Variants in ZPBP observed in about 807,000 individuals in gnomAD.
ZPBP encodes zona pellucida binding protein.
A neutral mutation model predicts 44.8 loss-of-function variants in ZPBP; 26 were observed. The ratio of observed to expected loss-of-function variants is 0.58; its 90% confidence interval spans 0.43 to 0.81. The LOEUF is 0.81. Among genes scored for constraint, ZPBP ranks in the 30% least tolerant of loss-of-function variants. The pLI is 0.00. For synonymous variants in ZPBP, 174 were observed against 153.2 expected (o/e 1.14, Z -1.00); for missense variants, 409 against 434.0 (o/e 0.94, Z 0.51).
chr7:50,041,423 T>C (rs1800090629), intron 4 of ZPBP, among the ~76,000 whole-genome samples: 1 of 152,182 alleles, frequency 6.6e-6, no homozygotes, highest in Non-Finnish European at 1.5e-5. Context: ...GGCTGGCATC[T>C]GGCAGGTGCC....
intron 1 of ZPBP, among the ~76,000 whole-genome samples, chr7:49,924,404 C>A (rs999632496): frequency 6.6e-6 from 1 of 152,094 alleles, no homozygotes; most frequent in South Asian, 2.1e-4. Flanking sequence ...ATTGACTTTA[C>A]TCTGAGCTAT....
chr7:49,865,222 G>A (rs1008182428), intron 2 of ZPBP, among the ~76,000 whole-genome samples: 1 of 152,198 alleles, frequency 6.6e-6, no homozygotes, highest in African/African-American at 2.4e-5. Flanking sequence ...CGTGGGGTAG[G>A]AGAGAAAGGC....
chr7:49,935,449 A>C (rs532309875), downstream of ZPBP, among the ~76,000 whole-genome samples: 9 of 152,184 alleles, frequency 5.9e-5, no homozygotes, highest in African/African-American at 1.4e-4. Flanking sequence ...GCCAACCTGG[A>C]GTGCAGTGGC....
chr7:49,937,510 A>T lies in ZPBP; in HGVS notation c.*18T>A. The stretch of plus-strand genomic sequence containing the variant: ...TACTTTGCATTTAATAAACCACTGA[A>T]TAACTGAAGATAATGGCTTATAAGC... On this transcript the variant is annotated 3_prime_UTR_variant, in exon 8 of 8. Coordinates refer to ENST00000046087, the MANE Select transcript of ZPBP (RefSeq NM_007009.3). The T allele has an allele frequency of 6.4e-7, 1 of 1,572,226 alleles. No individual in the cohort carries two copies. The highest frequency in any genetic ancestry group is 8.8e-7 in the Non-Finnish European group (1 of 1,142,082).
At chr7:50,073,150 A>C (rs774152740) in intron 3 of ZPBP, among the ~76,000 whole-genome samples, 2 of 152,140 alleles carry the variant, frequency 1.3e-5, no homozygotes, top group Non-Finnish European at 2.9e-5. Context: ...AAGAAACTCA[A>C]AGAAATTCAA....
intron 3 of ZPBP, among the ~76,000 whole-genome samples, chr7:50,081,512 A>C (rs1472885): frequency 0.78 from 118,032 of 151,078 alleles, 46,167 homozygotes; most frequent in East Asian, 0.88. Flanking sequence ...GTATTTTTTA[A>C]GTGAGAAAAA....
chr7:50,059,746 C>A (rs913161987), intron 3 of ZPBP, among the ~76,000 whole-genome samples: 5 of 152,020 alleles, frequency 3.3e-5, no homozygotes, highest in African/African-American at 1.2e-4. Context: ...AAAATATATA[C>A]CTAAATGCCT....
chr7:50,092,076 T>C (rs1011065953), intron 1 of ZPBP, among the ~76,000 whole-genome samples: 1 of 152,218 alleles, frequency 6.6e-6, no homozygotes, highest in African/African-American at 2.4e-5. Context: ...ACTTACAAGA[T>C]ACTAACTGCT....
chr7:49,858,706 A>G (rs1790528261), intron 2 of ZPBP, among the ~76,000 whole-genome samples: 2 of 149,970 alleles, frequency 1.3e-5, no homozygotes, highest in African/African-American at 2.5e-5. Flanking sequence ...GTATAATAAT[A>G]ATAAAAAAAA....
intron 1 of ZPBP, among the ~76,000 whole-genome samples, chr7:49,931,183 G>A (rs1436979170): frequency 6.6e-6 from 1 of 152,232 alleles, no homozygotes; most frequent in Non-Finnish European, 1.5e-5. Flanking sequence ...TCTTGGGTAT[G>A]TCTTTATTAG....
At chr7:49,928,497 T>A (rs185888361) in intron 1 of ZPBP, among the ~76,000 whole-genome samples, 31 of 152,320 alleles carry the variant, frequency 2.0e-4, no homozygotes, top group African/African-American at 6.3e-4. Flanking sequence ...CCCACTCTCC[T>A]TCAGGACCAC....
At chr7:49,989,391 G>C (rs532520942) in intron 6 of ZPBP, among the ~76,000 whole-genome samples, 1 of 152,258 alleles carries the variant, frequency 6.6e-6, no homozygotes, top group East Asian at 1.9e-4. Flanking sequence ...CCCATGGCTG[G>C]GCTTGGCTTT....
chr7:50,004,203 T>A (rs1798209057), intron 6 of ZPBP, among the ~76,000 whole-genome samples: 1 of 151,906 alleles, frequency 6.6e-6, no homozygotes, highest in South Asian at 2.1e-4. Context: ...TGGAAGAAAG[T>A]GGGATAAGTT....
chr7:49,874,973 A>T (rs1218949896), intron 2 of ZPBP, among the ~76,000 whole-genome samples: 1 of 152,172 alleles, frequency 6.6e-6, no homozygotes, highest in Non-Finnish European at 1.5e-5. Context: ...GTGTCTTTGA[A>T]ATAGTTTCAT....
chr7:50,028,256 A>C (rs1163151883), intron 5 of ZPBP, among the ~76,000 whole-genome samples: 1 of 149,108 alleles, frequency 6.7e-6, no homozygotes, highest in African/African-American at 2.5e-5. Flanking sequence ...ATAGAGTACA[A>C]TGCATTAATA....
At chr7:50,021,542 T>C (rs942192560) in intron 5 of ZPBP, among the ~76,000 whole-genome samples, 4 of 152,024 alleles carry the variant, frequency 2.6e-5, no homozygotes, top group African/African-American at 9.7e-5. Flanking sequence ...ACATCAAGTG[T>C]ACCACCATAT....
chr7:50,042,269 G>C lies in ZPBP; in HGVS notation c.488-10959C>G, dbSNP rs182093971. On this transcript the variant is annotated intron_variant, in intron 4 of 7. Transcript: ENST00000046087. ...CACTCTACAGGGATATTATCCAGGA[G>C]AACTTCCCCAACCTAGCAAGACAGG... Among the ~76,000 whole-genome samples, 378 of 152,278 alleles carry C rather than the reference G, an allele frequency of 2.5e-3. 7 individuals are homozygous for C. Among genetic ancestry groups the C allele is most frequent in the Non-Finnish European group, 3.7e-4 (25 of 68,030 alleles).
rs550250483 is a variant in ZPBP at position 49,988,680 on chromosome 7, T to C, written c.784-5161A>G. Among the ~76,000 whole-genome samples the C allele has an allele frequency of 3.9e-3, 598 of 152,318 alleles. 11 individuals carry two copies. The highest frequency in any genetic ancestry group is 2.4e-3 in the Non-Finnish European group (161 of 68,028). On this transcript the variant is annotated intron_variant, in intron 6 of 7. Transcript: ENST00000046087. ...TATTTTAATCCTCTTCAAAGGATGG[T>C]CTATAATCAGCCACAAAACTCTGAC... is the stretch of plus-strand genomic sequence containing the variant.
intron 2 of ZPBP, among the ~76,000 whole-genome samples, chr7:49,862,346 A>C (rs548806670): frequency 6.6e-6 from 1 of 152,130 alleles, no homozygotes; most frequent in Non-Finnish European, 1.5e-5. Flanking sequence ...TCTGAGTTCA[A>C]TTATTAGCCC....
Sources: gnomAD v4.1 joint callset for allele counts (sites outside exome capture counted in the v4.1 genomes callset) on GRCh38, gnomAD v4.1.1 for gene constraint, MANE v1.5 for transcripts, NCBI Gene and HGNC (gene_info 2026-07-23, HGNC 2026-07-21) for gene names.